Variants in ACACA observed in about 807,000 individuals in gnomAD.
The protein encoded by ACACA is acetyl-CoA carboxylase alpha.
ACACA carries 103 observed loss-of-function variants against 296.1 expected under a neutral mutation model. The observed-to-expected ratio is 0.35, with a 90% CI of 0.30 to 0.41. ACACA has a LOEUF of 0.41. ACACA is among the 10% of genes least tolerant of loss of function. ACACA has a pLI of 1.00. For missense variants in ACACA, 1,554 were observed against 2,989.7 expected, an observed-to-expected ratio of 0.52 and a Z score of 11.20; for synonymous variants, 953 against 1,038.6, an observed-to-expected ratio of 0.92 and a Z score of 1.58.
chr17:37,097,719 G>T lies in ACACA; in HGVS notation c.6720+111C>A. 1 of 1,288,278 alleles carries T rather than the reference G, an allele frequency of 7.8e-7. No homozygotes were observed. The highest frequency in any genetic ancestry group is 1.1e-6 in the Non-Finnish European group (1 of 913,720). The allele number at this position is 1,288,278 out of a possible 1,614,324, so 79.8% of individuals were successfully genotyped here. A position where few individuals can be genotyped will look rare whatever the true frequency, so the allele number is the denominator to read the frequency against. ...ATTGAAAATGTTTTGATCTGCAGAA[G>T]TTGTTTTAATTTGGCCCTCATAGCT... On this transcript the variant is annotated intron_variant, in intron 53 of 55. Transcript: ENST00000616317. The surrounding 1 kb of genome is among the most constrained non-coding windows in gnomAD (Gnocchi z 4.8).
chr17:37,172,307 A>G (rs573216922), intron 41 of ACACA, among the ~76,000 whole-genome samples: 8 of 152,276 alleles, frequency 5.3e-5, no homozygotes, highest in Admixed American at 4.6e-4. Flanking sequence ...TCATTTTGCT[A>G]TCAAAAAAAT....
chr17:37,313,596 G>C (rs1392188065), intron 3 of ACACA, among the ~76,000 whole-genome samples: 2 of 152,144 alleles, frequency 1.3e-5, no homozygotes, highest in Non-Finnish European at 2.9e-5. Flanking sequence ...CTGATCATCA[G>C]AGAAAAGCAA....
intron 11 of ACACA, among the ~76,000 whole-genome samples, chr17:37,260,005 C>A: frequency 6.6e-6 from 1 of 151,110 alleles, no homozygotes; most frequent in East Asian, 2.0e-4. Context: ...CCTCAGCCCC[C>A]CAAGTAGCTG....
At chr17:37,302,263 C>T (rs1225028003) in intron 3 of ACACA, among the ~76,000 whole-genome samples, 3 of 148,986 alleles carry the variant, frequency 2.0e-5, no homozygotes, top group Non-Finnish European at 4.4e-5. Flanking sequence ...AGTGCAATGG[C>T]GCGATCTCGG....
chr17:37,159,977 A>G (rs1266755277), intron 42 of ACACA, among the ~76,000 whole-genome samples: 17 of 152,248 alleles, frequency 1.1e-4, no homozygotes, highest in Admixed American at 1.1e-3. Flanking sequence ...ACTAAGGTGA[A>G]GACTGAGAAT....
chr17:37,329,830 A>G (rs1008246403), intron 3 of ACACA, among the ~76,000 whole-genome samples: 5 of 151,960 alleles, frequency 3.3e-5, no homozygotes, highest in African/African-American at 1.2e-4. Context: ...AATCCCAGCT[A>G]CTTGGGAGGC....
At chr17:37,391,656 G>A in intron 1 of ACACA, 4 of 1,613,746 alleles carry the variant, frequency 2.5e-6, no homozygotes, top group Non-Finnish European at 3.4e-6. Flanking sequence ...GGTTGGACAA[G>A]ATGCTGCCAA....
Position 37,179,352 on chromosome 17 carries a change from G to T in ACACA, c.4987C>A (p.Pro1663Thr). 6.2e-7 allele frequency: 1 copy of T among 1,614,158 alleles called. No individual in the cohort carries two copies. Among genetic ancestry groups the T allele is most frequent in the South Asian group, 1.1e-5 (1 of 91,086 alleles). The part of the protein sequence containing the change: ...MSTQAFLPSP[P>T]LPSDMLTYTE... Reference sequence around the variant, plus strand: ...TAAGTCAGCATGTCAGAAGGCAGAGGGGGAGATGGAAGAAATGCTTGAGTG... The same window carrying T: ...TAAGTCAGCATGTCAGAAGGCAGAGTGGGAGATGGAAGAAATGCTTGAGTG... The change falls in exon 41 of 56, where the codon CCT (proline) becomes ACT (threonine). Residue 1663 changes from proline (P) to threonine (T), a missense_variant. By Grantham distance (38) the Pro-to-Thr change is conservative (BLOSUM62 -1). Transcript: ENST00000616317.
intron 38 of ACACA, among the ~76,000 whole-genome samples, chr17:37,189,170 T>C (rs1014224154): frequency 3.5e-4 from 54 of 152,236 alleles, no homozygotes; most frequent in African/African-American, 1.2e-3. Context: ...AGGACAGTTA[T>C]TTTAACTAAA....
chr17:37,242,383 T>C (rs1405484875), intron 22 of ACACA, among the ~76,000 whole-genome samples: 1 of 152,184 alleles, frequency 6.6e-6, no homozygotes, highest in Non-Finnish European at 1.5e-5. Flanking sequence ...ATCTGCTTTA[T>C]GGGTAAAGAG....
rs566497247 is a variant in ACACA, at chr17:37,384,265, C to G, written c.38+21997G>C. On this transcript the variant is annotated intron_variant, in intron 1 of 55. Coordinates refer to ENST00000616317, the MANE Select transcript of ACACA (RefSeq NM_198834.3). ...GTGAGAATGTTCTGCAATACAAATG[C>G]TCATCAGAAGATGTGGGTCAACATG... 3.3e-5 allele frequency among the ~76,000 whole-genome samples: 5 copies of G among 152,240 alleles called. No homozygotes were observed. In the South Asian group the frequency reaches 8.3e-4, roughly 25 times the overall value.
chr17:37,162,017 T>C lies in ACACA; in HGVS notation c.5113A>G (p.Ser1705Gly), dbSNP rs1163249144. 1 of 1,614,066 alleles carries C rather than the reference T, an allele frequency of 6.2e-7. No individual in the cohort carries two copies. Among genetic ancestry groups the C allele is most frequent in the Non-Finnish European group, 8.5e-7 (1 of 1,180,028 alleles). The change falls in exon 42 of 56, where the codon AGT (serine) becomes GGT (glycine). Residue 1705 changes from serine to glycine, a missense_variant. This residue lies in a region of ACACA where 553 missense variants were observed against 1,043.6 expected (regional missense o/e 0.53). Transcript: ENST00000616317. ...GMVAWKMTFK[S>G]PEYPEGRDII... ...TCTCGGCCTTCTGGATATTCAGGAC[T>C]TTTAAAGGTCATTTTCCAAGCTACC...
intron 11 of ACACA, among the ~76,000 whole-genome samples, chr17:37,260,270 ATATATATATATATATATATATATATATT>A (rs1382006664): frequency 1.3e-4 from 3 of 22,292 alleles, no homozygotes; most frequent in East Asian, 2.6e-3. Flanking sequence ...ATATATATAT[ATATATATATATATATATATATATATATT>A]TTTTTTTTTT....
At chr17:37,099,046 G>A (rs2073163905) in intron 52 of ACACA, among the ~76,000 whole-genome samples, 1 of 152,330 alleles carries the variant, frequency 6.6e-6, no homozygotes, top group East Asian at 1.9e-4. Context: ...ATAAATACAT[G>A]AGCACAGGTG....
At chr17:37,355,629 G>A (rs946424836) in intron 1 of ACACA, among the ~76,000 whole-genome samples, 14 of 152,120 alleles carry the variant, frequency 9.2e-5, no homozygotes, top group Admixed American at 5.2e-4. Flanking sequence ...GCTGAGGTGG[G>A]CAGATTATCC....
chr17:37,356,488 C>T (rs923305629), intron 1 of ACACA, among the ~76,000 whole-genome samples: 3 of 152,074 alleles, frequency 2.0e-5, no homozygotes, highest in African/African-American at 7.2e-5. Flanking sequence ...ATGCCATTCT[C>T]CTGCCTCAGC....
At chr17:37,399,800 G>A (rs1457731212) in intron 1 of ACACA, among the ~76,000 whole-genome samples, 1 of 152,136 alleles carries the variant, frequency 6.6e-6, no homozygotes. Context: ...GTTAAATAAT[G>A]AGAGTCAGTT....
chr17:37,142,210 T>C (rs893405125), intron 45 of ACACA, among the ~76,000 whole-genome samples: 4 of 152,166 alleles, frequency 2.6e-5, no homozygotes, highest in Non-Finnish European at 4.4e-5. Flanking sequence ...CCACCATATA[T>C]GCATGGGCTC....
intron 50 of ACACA, among the ~76,000 whole-genome samples, chr17:37,115,066 C>A (rs1567677501): frequency 6.6e-6 from 1 of 152,162 alleles, no homozygotes; most frequent in Non-Finnish European, 1.5e-5. Flanking sequence ...TTCCAAGTTA[C>A]CCCAGAAAAC....
Sources: gnomAD v4.1 joint callset for allele counts (sites outside exome capture counted in the v4.1 genomes callset) on GRCh38, gnomAD v4.1.1 for gene constraint, gnomAD v4.1.1 regional missense constraint, Gnocchi (gnomAD v3.1) non-coding constraint, MANE v1.5 for transcripts, NCBI Gene and HGNC (gene_info 2026-07-23, HGNC 2026-07-21) for gene names.